The following NDEL1 variants were observed in gnomAD, a reference collection of about 807,000 sequenced individuals.
The protein encoded by NDEL1 is nuclear distribution protein nudE-like 1.
Under a neutral mutation model 45.7 loss-of-function variants are expected in NDEL1, and 9 were observed. The observed-to-expected ratio is 0.20, with a 90% CI of 0.12 to 0.34. The LOEUF (loss-of-function observed/expected upper bound fraction) is 0.34. Among genes scored for constraint, NDEL1 ranks in the 10% least tolerant of loss-of-function variants. The probability of loss-of-function intolerance (pLI) is 1.00; values close to 1 mark genes in which losing one functional copy is unlikely to be tolerated. For synonymous variants in NDEL1, 133 were observed against 158.6 expected (o/e 0.84, Z 1.21); for missense variants, 306 against 406.2 (o/e 0.75, Z 2.12).
At chr17:8,441,298 A>T (rs571727517) in intron 1 of NDEL1, among the ~76,000 whole-genome samples, 4 of 152,308 alleles carry the variant, frequency 2.6e-5, no homozygotes, top group Middle Eastern at 3.4e-3. Context: ...TCACTTTGGG[A>T]AGACCAAGGC....
At chr17:8,469,651 T>A (rs1911785725), downstream of NDEL1, among the ~76,000 whole-genome samples, 2 of 152,212 alleles carry the variant, frequency 1.3e-5, no homozygotes, top group East Asian at 3.9e-4. Context: ...TAAAAAAATT[T>A]TTGTCCTAGC....
intron 6 of NDEL1, among the ~76,000 whole-genome samples, chr17:8,453,202 CAT>C (rs1048021627): frequency 1.4e-4 from 21 of 152,238 alleles, no homozygotes; most frequent in East Asian, 3.9e-4. Flanking sequence ...TGTTATGTGT[CAT>C]GTGTTATTCT....
chr17:8,424,407 C>CGA (rs1908776113), intron 1 of NDEL1, among the ~76,000 whole-genome samples: 1 of 152,242 alleles, frequency 6.6e-6, no homozygotes, highest in African/African-American at 2.4e-5. Flanking sequence ...GGACAATTTG[C>CGA]ACACATCCTT....
downstream of NDEL1, among the ~76,000 whole-genome samples, chr17:8,468,785 C>T (rs1258659759): frequency 6.6e-6 from 1 of 152,224 alleles, no homozygotes; most frequent in Non-Finnish European, 1.5e-5. Flanking sequence ...GTGGGCGGAT[C>T]ACAAGGTCAG....
At chr17:8,447,050 C>A in intron 4 of NDEL1, 148 bp downstream of exon 4, 3 of 981,056 alleles carry the variant, frequency 3.1e-6, no homozygotes, top group Non-Finnish European at 4.4e-6. Flanking sequence ...CGGAAGGGAA[C>A]CCCAAATCCT....
intron 8 of NDEL1, among the ~76,000 whole-genome samples, chr17:8,462,515 C>T (rs1473349293): frequency 6.6e-6 from 1 of 152,094 alleles, no homozygotes; most frequent in Non-Finnish European, 1.5e-5. Flanking sequence ...AGATAAAAAC[C>T]AAGATGTTGT....
At chr17:8,458,291 AT>A (rs1344306965) in intron 7 of NDEL1, among the ~76,000 whole-genome samples, 2 of 150,506 alleles carry the variant, frequency 1.3e-5, no homozygotes, top group African/African-American at 4.9e-5. Context: ...CCCTTTCGAT[AT>A]TGGTTTTACT....
chr17:8,473,807 C>A (rs1002565179), intron 3 of NDEL1, among the ~76,000 whole-genome samples: 2 of 152,360 alleles, frequency 1.3e-5, no homozygotes, highest in African/African-American at 4.8e-5. Flanking sequence ...ACTAGAGAGG[C>A]TGCCCTTGGC....
chr17:8,430,741 T>G (rs1908980340), intron 1 of NDEL1, among the ~76,000 whole-genome samples: 1 of 152,216 alleles, frequency 6.6e-6, no homozygotes, highest in African/African-American at 2.4e-5. Context: ...CTCACTCACC[T>G]TTTTTACCAC....
chr17:8,414,401 CT>C (rs1480426708), intron 1 of NDEL1, among the ~76,000 whole-genome samples: 5 of 151,994 alleles, frequency 3.3e-5, no homozygotes, highest in African/African-American at 1.2e-4. Flanking sequence ...GGCGCGGTGG[CT>C]CACGCCTGTA....
intron 8 of NDEL1, chr17:8,462,661 C>T (rs1911285850): frequency 6.6e-6 from 1 of 152,200 alleles, no homozygotes; most frequent in African/African-American, 2.4e-5. Context: ...AGAAAAGTGC[C>T]CCATTTGAAA....
intron 1 of NDEL1, among the ~76,000 whole-genome samples, chr17:8,413,512 CT>C (rs1212523830): frequency 1.3e-5 from 2 of 152,206 alleles, no homozygotes; most frequent in Non-Finnish European, 2.9e-5. Flanking sequence ...CATCTTCCCC[CT>C]GATATTCTGA....
At chr17:8,455,672 C>T (rs1910787957) in intron 7 of NDEL1, among the ~76,000 whole-genome samples, 1 of 123,732 alleles carries the variant, frequency 8.1e-6, no homozygotes, top group East Asian at 2.2e-4. Context: ...GGGCAACAGA[C>T]AGCAAGACTC....
intron 1 of NDEL1, among the ~76,000 whole-genome samples, chr17:8,415,131 C>T (rs1409071777): frequency 6.6e-6 from 1 of 150,458 alleles, no homozygotes; most frequent in Non-Finnish European, 1.5e-5. Context: ...TCCCTCCTGC[C>T]TCTTCTCTCT....
downstream of NDEL1, among the ~76,000 whole-genome samples, chr17:8,471,014 A>C (rs559994744): frequency 1.6e-3 from 246 of 152,336 alleles, 1 homozygote; most frequent in Admixed American, 2.5e-3. Flanking sequence ...CCCGGTAGCC[A>C]GCTCTGCCCC....
chr17:8,467,365 A>C lies in NDEL1; in HGVS notation c.*342A>C. The C allele has an allele frequency of 2.1e-6, 1 of 466,262 alleles. No individual in the cohort carries two copies. Among genetic ancestry groups the C allele is most frequent in the Non-Finnish European group, 3.7e-6 (1 of 266,716 alleles). The allele number at this position is 466,262 out of a possible 1,614,324, so 28.9% of individuals were successfully genotyped here. ...CCATAGCCCCCACTCTGCTGTACTG[A>C]TAGGATTTAGTTGTGTTTTAGGACA... On this transcript the variant is annotated 3_prime_UTR_variant, in exon 9 of 9. Transcript: ENST00000334527. This position sits in a 1 kb window ranked among gnomAD's most constrained non-coding sequence, Gnocchi z 6.3.
At chr17:8,442,240 A>G (rs115987685) in intron 1 of NDEL1, among the ~76,000 whole-genome samples, 238 of 152,222 alleles carry the variant, frequency 1.6e-3, no homozygotes, top group African/African-American at 5.5e-3. Context: ...TCTAACTGAT[A>G]ATGATAGGTT....
At chr17:8,428,849 A>ATT (rs1161236030) in intron 1 of NDEL1, among the ~76,000 whole-genome samples, 7 of 150,872 alleles carry the variant, frequency 4.6e-5, no homozygotes, top group Admixed American at 4.6e-4. Flanking sequence ...AATTTTTTGT[A>ATT]TTTTTAGTAG....
At chr17:8,449,303 A>G (rs1442225957) in intron 5 of NDEL1, among the ~76,000 whole-genome samples, 1 of 151,800 alleles carries the variant, frequency 6.6e-6, no homozygotes, top group Non-Finnish European at 1.5e-5. Flanking sequence ...TTAAGAAAAC[A>G]TTTTTTTTGT....
Sources: allele counts gnomAD v4.1 joint callset (sites outside exome capture counted in the v4.1 genomes callset), GRCh38; gene constraint gnomAD v4.1.1; non-coding constraint Gnocchi (gnomAD v3.1); transcripts MANE v1.5; gene names NCBI Gene and HGNC (gene_info 2026-07-23, HGNC 2026-07-21).